Variants in FAT3 observed in about 807,000 individuals in gnomAD.
FAT3 encodes protocadherin Fat 3.
A neutral mutation model predicts 310.2 loss-of-function variants in FAT3; 95 were observed. The ratio of observed to expected loss-of-function variants is 0.31; its 90% CI spans 0.26 to 0.36. FAT3 has a LOEUF of 0.36. Among genes scored for constraint, FAT3 ranks in the 10% least tolerant of loss-of-function variants. FAT3 has a pLI of 1.00. For synonymous variants in FAT3, 2,314 were observed against 2,192.9 expected (o/e 1.06, Z -1.54); for missense variants, 5,408 against 5,715.6 (o/e 0.95, Z 1.74).
intron 3 of FAT3, among the ~76,000 whole-genome samples, chr11:92,526,953 A>T (rs1953887968): frequency 6.6e-6 from 1 of 152,174 alleles, no homozygotes; most frequent in Admixed American, 6.5e-5. Flanking sequence ...TTACTTTTCA[A>T]GTAAGATCTA....
chr11:92,246,507 C>T (rs16917220), intron 1 of FAT3, among the ~76,000 whole-genome samples: 5,765 of 152,060 alleles, frequency 0.038, 414 homozygotes, highest in African/African-American at 0.13. Flanking sequence ...AAAAGGGGAA[C>T]TATTTGCTCT....
chr11:92,510,769 T>G (rs1953264230), intron 2 of FAT3, among the ~76,000 whole-genome samples: 1 of 152,222 alleles, frequency 6.6e-6, no homozygotes, highest in South Asian at 2.1e-4. Flanking sequence ...GCCTTAATCT[T>G]CCTTGCAGCT....
intron 24 of FAT3, among the ~76,000 whole-genome samples, chr11:92,884,758 G>A (rs1194614252): frequency 6.6e-6 from 1 of 152,218 alleles, no homozygotes; most frequent in Non-Finnish European, 1.5e-5. Flanking sequence ...TTACCCGAGA[G>A]ATGTCTGGCT....
intron 2 of FAT3, among the ~76,000 whole-genome samples, chr11:92,442,100 TA>T (rs1555047792): frequency 0.45 from 25,946 of 57,326 alleles, 8,477 homozygotes; most frequent in Non-Finnish European, 0.59. Flanking sequence ...TATATATATA[TA>T]TATATATATA....
chr11:92,793,957 T>C (rs751526666), intron 9 of FAT3, among the ~76,000 whole-genome samples: 4 of 152,174 alleles, frequency 2.6e-5, no homozygotes, highest in African/African-American at 4.8e-5. Flanking sequence ...AGTTCTTTCA[T>C]TGAATGATAA....
intron 7 of FAT3, among the ~76,000 whole-genome samples, chr11:92,777,668 A>G (rs1946631776): frequency 6.6e-6 from 1 of 152,144 alleles, no homozygotes; most frequent in Non-Finnish European, 1.5e-5. Flanking sequence ...GTAATTTTGC[A>G]TCCCAATCTC....
At position 92,866,911 on chromosome 11, in the gene FAT3, G is replaced by A; in HGVS notation, c.11829G>A (p.Ala3943=). The A allele has an allele frequency of 1.9e-6, 3 of 1,613,954 alleles. No individual in the cohort carries two copies. The highest frequency in any genetic ancestry group is 2.5e-6 in the Non-Finnish European group (3 of 1,179,890). The part of the protein sequence containing the change: ...LDDSYVERRR[A]PLYFQTLSTE... ...ACAGCTACGTGGAGCGGCGCCGGGC[G>A]CCCCTCTACTTCCAGACGCTGAGCA... The change falls in exon 22 of 28, where the codon GCG becomes GCA. Residue 3943 remains alanine (A), a synonymous_variant. Coordinates refer to ENST00000525166, the MANE Select transcript of FAT3 (RefSeq NM_001367949.2).
At chr11:92,654,937 C>T (rs1386019192) in intron 3 of FAT3, among the ~76,000 whole-genome samples, 1 of 151,536 alleles carries the variant, frequency 6.6e-6, no homozygotes, top group Non-Finnish European at 1.5e-5. Context: ...CTTCTTGTAG[C>T]AGCTTCCATG....
intron 2 of FAT3, among the ~76,000 whole-genome samples, chr11:92,389,192 G>T (rs1379329619): frequency 6.6e-6 from 1 of 152,138 alleles, no homozygotes; most frequent in Admixed American, 6.6e-5. Flanking sequence ...TTTTCTCAAG[G>T]TGTCTCAGTC....
chr11:92,453,594 A>G (rs923632502), intron 2 of FAT3, among the ~76,000 whole-genome samples: 1 of 152,182 alleles, frequency 6.6e-6, no homozygotes, highest in Non-Finnish European at 1.5e-5. Context: ...ACATATAAGC[A>G]TAGTCTAGCT....
At chr11:92,575,638 C>T (rs552536119) in intron 3 of FAT3, among the ~76,000 whole-genome samples, 8 of 152,088 alleles carry the variant, frequency 5.3e-5, no homozygotes, top group Middle Eastern at 3.4e-3. Flanking sequence ...ATGGATTTGT[C>T]GTTATAATTT....
chr11:92,459,148 A>C (rs1267380325), intron 2 of FAT3, among the ~76,000 whole-genome samples: 1 of 152,206 alleles, frequency 6.6e-6, no homozygotes, highest in Non-Finnish European at 1.5e-5. Context: ...TGAGTAACAC[A>C]GTCCATGAAG....
intron 3 of FAT3, among the ~76,000 whole-genome samples, chr11:92,627,313 G>A (rs117498983): frequency 0.017 from 2,522 of 152,262 alleles, 43 homozygotes; most frequent in Non-Finnish European, 0.024. Flanking sequence ...AGGTTCTATC[G>A]CATCAGGGAA....
chr11:92,600,189 A>G (rs1213964748), intron 3 of FAT3, among the ~76,000 whole-genome samples: 1 of 152,280 alleles, frequency 6.6e-6, no homozygotes, highest in East Asian at 1.9e-4. Flanking sequence ...TGGCACTCCC[A>G]TGCAATCCAC....
chr11:92,873,469 G>A (rs1229900925), intron 22 of FAT3, among the ~76,000 whole-genome samples: 1 of 152,262 alleles, frequency 6.6e-6, no homozygotes, highest in African/African-American at 2.4e-5. Context: ...AGCCAAACCT[G>A]ATCAGAATGA....
intron 3 of FAT3, among the ~76,000 whole-genome samples, chr11:92,580,244 A>G (rs1938714307): frequency 6.6e-6 from 1 of 152,088 alleles, no homozygotes; most frequent in African/African-American, 2.4e-5. Context: ...AGTCAACTCC[A>G]GAGCATCCTT....
chr11:92,563,848 T>C (rs1461132972), intron 3 of FAT3, among the ~76,000 whole-genome samples: 1 of 151,918 alleles, frequency 6.6e-6, no homozygotes, highest in Non-Finnish European at 1.5e-5. Flanking sequence ...AGAGATTTTG[T>C]CACCACCAGG....
At chr11:92,318,106 G>A (rs1947513971) in intron 1 of FAT3, among the ~76,000 whole-genome samples, 1 of 152,130 alleles carries the variant, frequency 6.6e-6, no homozygotes, top group African/African-American at 2.4e-5. Flanking sequence ...CAACTCCATG[G>A]TGTAGAGGAG....
chr11:92,821,918 C>G (rs1947978386), intron 13 of FAT3, among the ~76,000 whole-genome samples: 1 of 152,172 alleles, frequency 6.6e-6, no homozygotes, highest in South Asian at 2.1e-4. Flanking sequence ...TCAGAATCCT[C>G]TGGAGAGTTT....
Sources: allele counts gnomAD v4.1 joint callset (sites outside exome capture counted in the v4.1 genomes callset), GRCh38; gene constraint gnomAD v4.1.1; transcripts MANE v1.5; gene names NCBI Gene and HGNC (gene_info 2026-07-23, HGNC 2026-07-21).